Variants in NALF1 observed in about 807,000 individuals in gnomAD.
The protein encoded by NALF1 is NALCN channel auxiliary factor 1.
A neutral mutation model predicts 48.4 loss-of-function variants in NALF1; 3 were observed. The observed-to-expected ratio is 0.06, with a 90% CI of 0.03 to 0.16. The LOEUF is 0.16. Among genes scored for constraint, NALF1 ranks in the 10% least tolerant of loss-of-function variants. The pLI is 1.00. For missense variants in NALF1, 526 were observed against 571.5 expected (o/e 0.92, Z 0.81); for synonymous variants, 262 against 245.7 (o/e 1.07, Z -0.62).
intron 1 of NALF1, among the ~76,000 whole-genome samples, chr13:107,558,223 T>C (rs1877538573): frequency 6.6e-6 from 1 of 152,184 alleles, no homozygotes. Flanking sequence ...TGAATATTCC[T>C]TGAGTCTCTT....
intron 1 of NALF1, among the ~76,000 whole-genome samples, chr13:107,584,032 G>T (rs1313764562): frequency 6.6e-6 from 1 of 151,902 alleles, no homozygotes; most frequent in African/African-American, 2.4e-5. Context: ...AGGACTTTAG[G>T]TGAAATTTTG....
intron 1 of NALF1, among the ~76,000 whole-genome samples, chr13:107,317,369 C>G (rs1042389207): frequency 5.3e-5 from 8 of 152,000 alleles, no homozygotes; most frequent in Non-Finnish European, 7.4e-5. Flanking sequence ...TTAACAAAAC[C>G]ATTCTATGAT....
rs563305492 is a variant in NALF1 at position 107,697,778 on chromosome 13, A to G, written c.915+167904T>C. 7.9e-5 allele frequency among the ~76,000 whole-genome samples: 12 copies of G among 152,254 alleles called. No individual in the cohort carries two copies. In the South Asian group the frequency reaches 2.5e-3, roughly 32 times the overall value. On this transcript the variant is annotated intron_variant, in intron 1 of 2. Transcript: ENST00000375915. ...AAATTAAAAACCTGTTTTCCTTTGCATTTTATTCTTGACTCTGACTAACAC... is the reference window on the plus strand; with the variant it reads ...AAATTAAAAACCTGTTTTCCTTTGCGTTTTATTCTTGACTCTGACTAACAC...
At chr13:107,210,288 T>C (rs1879734147) in intron 2 of NALF1, among the ~76,000 whole-genome samples, 1 of 152,222 alleles carries the variant, frequency 6.6e-6, no homozygotes, top group South Asian at 2.1e-4. Flanking sequence ...ATCTAACCTA[T>C]ACTAGGTCAC....
intron 1 of NALF1, among the ~76,000 whole-genome samples, chr13:107,480,031 A>C (rs1477960143): frequency 2.0e-5 from 3 of 152,170 alleles, no homozygotes; most frequent in Non-Finnish European, 4.4e-5. Flanking sequence ...AAAGGGAAAA[A>C]TATGTTTCAA....
In NALF1 at chr13:107,168,720, T is replaced by G. The variant is rs1372542585; in HGVS notation, c.*1777A>C. On this transcript the variant is annotated 3_prime_UTR_variant, in exon 3 of 3. Transcript: ENST00000375915. ...TTCTTAACAGACTGGAACGAAACAT[T>G]TTTTTTCAAAACAAAATATGCATAC... 3.9e-5 allele frequency: 6 copies of G among 152,544 alleles called. No individual in the cohort carries two copies. The highest frequency in any genetic ancestry group is 6.5e-5 in the Admixed American group (1 of 15,272). 9.4% of individuals were successfully genotyped at this position (152,544 alleles called of 1,614,324 possible).
intron 1 of NALF1, among the ~76,000 whole-genome samples, chr13:107,426,228 G>T (rs548668076): frequency 6.6e-6 from 1 of 152,130 alleles, no homozygotes; most frequent in African/African-American, 2.4e-5. Context: ...ACTTCCTCAG[G>T]AAGGCCTTCT....
At chr13:107,479,247 G>A (rs531303947) in intron 1 of NALF1, among the ~76,000 whole-genome samples, 2 of 152,250 alleles carry the variant, frequency 1.3e-5, no homozygotes, top group African/African-American at 4.8e-5. Flanking sequence ...CATTGGCAGT[G>A]CAAAGCCCTC....
At chr13:107,532,936 A>G (rs931751065) in intron 1 of NALF1, among the ~76,000 whole-genome samples, 1 of 152,100 alleles carries the variant, frequency 6.6e-6, no homozygotes, top group Non-Finnish European at 1.5e-5. Context: ...TGTTAAGAAA[A>G]CAACCTAAAA....
chr13:107,591,608 G>C (rs972824040), intron 1 of NALF1, among the ~76,000 whole-genome samples: 73 of 151,962 alleles, frequency 4.8e-4, no homozygotes, highest in African/African-American at 1.7e-3. Flanking sequence ...TGATTGTACA[G>C]CCCTTCCCAC....
chr13:107,757,226 A>T (rs1877126764), intron 1 of NALF1, among the ~76,000 whole-genome samples: 1 of 152,162 alleles, frequency 6.6e-6, no homozygotes, highest in African/African-American at 2.4e-5. Flanking sequence ...TGGCAAAGTG[A>T]GGTCAACTCC....
intron 2 of NALF1, among the ~76,000 whole-genome samples, chr13:107,171,392 A>G (rs932754712): frequency 1.3e-5 from 2 of 152,164 alleles, no homozygotes; most frequent in African/African-American, 2.4e-5. Context: ...TTTCTACAGA[A>G]GTCTGCCTCA....
intron 1 of NALF1, among the ~76,000 whole-genome samples, chr13:107,516,172 C>T (rs568919080): frequency 6.6e-6 from 1 of 152,222 alleles, no homozygotes; most frequent in South Asian, 2.1e-4. Flanking sequence ...GACATCTGAT[C>T]CACATGCAAT....
At chr13:107,209,839 C>T (rs1291180084) in intron 2 of NALF1, among the ~76,000 whole-genome samples, 1 of 152,148 alleles carries the variant, frequency 6.6e-6, no homozygotes, top group Non-Finnish European at 1.5e-5. Flanking sequence ...GCAGAGCCAC[C>T]ACTCGGATTA....
chr13:107,587,711 G>A (rs1393667772), intron 1 of NALF1, among the ~76,000 whole-genome samples: 2 of 152,174 alleles, frequency 1.3e-5, no homozygotes, highest in Admixed American at 1.3e-4. Context: ...ACTTTGTCCA[G>A]AGACGAACAA....
At chr13:107,387,412 A>G (rs925789815) in intron 1 of NALF1, among the ~76,000 whole-genome samples, 6 of 152,104 alleles carry the variant, frequency 3.9e-5, no homozygotes, top group Non-Finnish European at 7.3e-5. Flanking sequence ...CAAATAAGAC[A>G]TGACTTACCT....
At chr13:107,767,204 C>G (rs148062523) in intron 1 of NALF1, among the ~76,000 whole-genome samples, 2 of 152,334 alleles carry the variant, frequency 1.3e-5, no homozygotes, top group Non-Finnish European at 2.9e-5. Context: ...ACATTGAAAT[C>G]TACAACATGT....
chr13:107,178,701 T>C (rs1412564409), intron 2 of NALF1, among the ~76,000 whole-genome samples: 2 of 152,148 alleles, frequency 1.3e-5, no homozygotes, highest in African/African-American at 4.8e-5. Context: ...CCCAGCACTT[T>C]GGCAGGCCAA....
Position 107,261,089 on chromosome 13 carries a change from T to G in NALF1, c.916-50334A>C, listed in dbSNP as rs1880919305. ...TTATTGTGCGAAGCCACTAAAATTT[T>G]GGACTGGTTTGTTAGAGTAGTTAAC... is the stretch of plus-strand genomic sequence containing the variant. On this transcript the variant is annotated intron_variant, in intron 1 of 2. Transcript: ENST00000375915. Among the ~76,000 whole-genome samples, 5 of 152,370 alleles carry G rather than the reference T, an allele frequency of 3.3e-5. No homozygotes were observed. In the South Asian group the frequency reaches 1.0e-3, roughly 32 times the overall value.
Sources: allele counts gnomAD v4.1 joint callset (sites outside exome capture counted in the v4.1 genomes callset), GRCh38; gene constraint gnomAD v4.1.1; transcripts MANE v1.5; gene names NCBI Gene and HGNC (gene_info 2026-07-23, HGNC 2026-07-21).